Variants in GSE1 observed in about 807,000 individuals in gnomAD.
The protein encoded by GSE1 is genetic suppressor element 1.
Under a neutral mutation model 112.6 loss-of-function variants are expected in GSE1, and 32 were observed. The observed-to-expected ratio is 0.28, with a 90% CI of 0.21 to 0.38. The LOEUF is 0.38. GSE1 is among the 10% of genes least tolerant of loss of function. The pLI is 1.00. For synonymous variants in GSE1, 1,115 were observed against 735.6 expected (o/e 1.52, Z -8.35); for missense variants, 2,348 against 1,699.2 (o/e 1.38, Z -6.71).
At chr16:85,179,030 A>G (rs1322230630) in intron 1 of GSE1, among the ~76,000 whole-genome samples, 1 of 151,988 alleles carries the variant, frequency 6.6e-6, no homozygotes, top group Non-Finnish European at 1.5e-5. Flanking sequence ...CGTGAAAGTC[A>G]CCCTTTGAAA....
At chr16:85,580,444 G>C (rs920751827) in intron 1 of GSE1, among the ~76,000 whole-genome samples, 2 of 152,196 alleles carry the variant, frequency 1.3e-5, no homozygotes, top group Non-Finnish European at 2.9e-5. Context: ...CGTGCTCTCT[G>C]CCTCCCCACT....
At chr16:85,307,633 G>A (rs972133955) in intron 1 of GSE1, among the ~76,000 whole-genome samples, 3 of 152,174 alleles carry the variant, frequency 2.0e-5, no homozygotes, top group Non-Finnish European at 4.4e-5. Flanking sequence ...AACCAGGGAC[G>A]CTCCGCCAGC....
intron 2 of GSE1, among the ~76,000 whole-genome samples, chr16:85,642,438 C>G (rs1207971971): frequency 2.6e-5 from 4 of 151,890 alleles, no homozygotes. Flanking sequence ...CGGCACCTGC[C>G]CCTGCATGGT....
chr16:85,220,633 G>A (rs1337360211), intron 1 of GSE1, among the ~76,000 whole-genome samples: 7 of 152,092 alleles, frequency 4.6e-5, no homozygotes, highest in Non-Finnish European at 1.0e-4. Flanking sequence ...GCTGCTGCCC[G>A]CTGCTGCCCG....
chr16:85,653,586 G>A (rs1160061343), intron 3 of GSE1, among the ~76,000 whole-genome samples: 1 of 151,826 alleles, frequency 6.6e-6, no homozygotes, highest in South Asian at 2.1e-4. Flanking sequence ...CCAGGAGCCT[G>A]GGACAGGCGA....
In GSE1 at chr16:85,335,945, G is replaced by A. The variant is rs1294903962; in HGVS notation, c.2284-21518G>A. ...GCATGCTGACCGGCTGGCCTGAGTG[G>A]ACTTCCAGCAGCTGGGGCTGGGGTC... On this transcript the variant is annotated intron_variant, in intron 1 of 2. Transcript: ENST00000637419. Among the ~76,000 whole-genome samples the A allele has an allele frequency of 2.6e-5, 4 of 152,228 alleles. No homozygotes were observed. In the East Asian group the frequency reaches 7.7e-4, roughly 29 times the overall value.
intron 2 of GSE1, among the ~76,000 whole-genome samples, chr16:85,513,437 G>A (rs868445408): frequency 1.3e-5 from 2 of 152,084 alleles, no homozygotes; most frequent in Admixed American, 6.5e-5. Flanking sequence ...TTGAAACAGT[G>A]CCTAGAAGCA....
At chr16:85,613,768 T>A (rs1189959429) in intron 1 of GSE1, among the ~76,000 whole-genome samples, 1 of 140,260 alleles carries the variant, frequency 7.1e-6, no homozygotes, top group Non-Finnish European at 1.5e-5. Context: ...AGAGCTGGAA[T>A]GAAAACTTTG....
At chr16:85,318,046 G>A (rs752465776) in intron 1 of GSE1, among the ~76,000 whole-genome samples, 73 of 152,232 alleles carry the variant, frequency 4.8e-4, no homozygotes, top group Admixed American at 2.6e-4. Context: ...ACAAGGCCAC[G>A]TTTGAACAGG....
chr16:85,447,346 G>A (rs566654318), intron 2 of GSE1, among the ~76,000 whole-genome samples: 21 of 152,358 alleles, frequency 1.4e-4, no homozygotes, highest in African/African-American at 4.6e-4. Flanking sequence ...ACACGTGGTG[G>A]CCAGGAGCTG....
intron 1 of GSE1, among the ~76,000 whole-genome samples, chr16:85,275,721 C>T (rs896249353): frequency 6.6e-5 from 10 of 152,202 alleles, no homozygotes; most frequent in Non-Finnish European, 1.5e-4. Flanking sequence ...TGCAGCCCTC[C>T]GCGTGGGGCC....
upstream of GSE1, chr16:85,613,320 G>A (rs937062871): frequency 1.3e-6 from 2 of 1,550,730 alleles, no homozygotes; most frequent in Admixed American, 3.9e-5. Flanking sequence ...GGTGAGATAA[G>A]CAGTTTAGAC....
intron 14 of GSE1, among the ~76,000 whole-genome samples, chr16:85,669,353 C>G (rs1324168653): frequency 6.6e-6 from 1 of 152,226 alleles, no homozygotes; most frequent in Non-Finnish European, 1.5e-5. Flanking sequence ...AACACAAAGA[C>G]TTGATTATGA....
chr16:85,238,144 T>C (rs1312686208), intron 1 of GSE1, among the ~76,000 whole-genome samples: 6 of 151,368 alleles, frequency 4.0e-5, no homozygotes, highest in African/African-American at 1.2e-4. Flanking sequence ...GGCCTGGGGG[T>C]GGGTGGGTGC....
chr16:85,198,525 C>G (rs967645333), intron 1 of GSE1, among the ~76,000 whole-genome samples: 1 of 151,916 alleles, frequency 6.6e-6, no homozygotes, highest in African/African-American at 2.4e-5. Flanking sequence ...AGGGTGCATC[C>G]AGTGGTGATG....
At chr16:85,416,492 C>G (rs565196147) in intron 2 of GSE1, among the ~76,000 whole-genome samples, 3 of 152,124 alleles carry the variant, frequency 2.0e-5, no homozygotes, top group Admixed American at 6.5e-5. Context: ...AGCTCCTTCC[C>G]GGAAGGAGGT....
At chr16:85,509,222 G>T (rs940440726) in intron 2 of GSE1, among the ~76,000 whole-genome samples, 2 of 152,210 alleles carry the variant, frequency 1.3e-5, no homozygotes, top group Non-Finnish European at 2.9e-5. Flanking sequence ...TGGACGCAAG[G>T]GGGCAGGAAG....
chr16:85,433,462 C>A (rs1440694045), intron 2 of GSE1, among the ~76,000 whole-genome samples: 1 of 152,146 alleles, frequency 6.6e-6, no homozygotes, highest in East Asian at 1.9e-4. Context: ...CCCTGGCCAC[C>A]CCCAGGGACC....
intron 1 of GSE1, among the ~76,000 whole-genome samples, chr16:85,341,986 A>G (rs1041087530): frequency 1.2e-4 from 18 of 152,100 alleles, no homozygotes; most frequent in African/African-American, 4.3e-4. Flanking sequence ...AGAGACCGGC[A>G]GGTGGTCTCT....
Sources: gnomAD v4.1 joint callset for allele counts (sites outside exome capture counted in the v4.1 genomes callset) on GRCh38, gnomAD v4.1.1 for gene constraint, MANE v1.5 for transcripts, NCBI Gene and HGNC (gene_info 2026-07-23, HGNC 2026-07-21) for gene names.